Variants in METTL15 observed in about 807,000 individuals in gnomAD.
The protein encoded by METTL15 is 12S rRNA N(4)-cytidine methyltransferase METTL15.
Under a neutral mutation model 38.3 loss-of-function variants are expected in METTL15, and 34 were observed. The observed-to-expected ratio is 0.89, with a 90% CI of 0.68 to 1.18. The LOEUF (loss-of-function observed/expected upper bound fraction) is 1.18, where lower values mean the gene tolerates loss of function less well. Ranked by LOEUF, METTL15 falls within the 50% of genes most tolerant of loss-of-function variation. METTL15 has a pLI of 0.00. For missense variants in METTL15, 438 were observed against 498.4 expected (o/e 0.88, Z 1.15); for synonymous variants, 162 against 170.9 (o/e 0.95, Z 0.41).
intron 4 of METTL15, among the ~76,000 whole-genome samples, chr11:28,255,441 T>C (rs1374998185): frequency 6.6e-6 from 1 of 152,194 alleles, no homozygotes; most frequent in African/African-American, 2.4e-5. Flanking sequence ...TCTTTGTTTC[T>C]TTCTTTTGTC....
At chr11:28,508,029 G>A (rs780664466) in intron 6 of METTL15, among the ~76,000 whole-genome samples, 2 of 152,130 alleles carry the variant, frequency 1.3e-5, no homozygotes, top group Non-Finnish European at 2.9e-5. Flanking sequence ...AAAGTGACAC[G>A]TACTCTTGTG....
At chr11:28,383,086 C>A (rs1242352508) in intron 5 of METTL15, among the ~76,000 whole-genome samples, 1 of 151,780 alleles carries the variant, frequency 6.6e-6, no homozygotes, top group Non-Finnish European at 1.5e-5. Context: ...GCATAGTACT[C>A]GAAAGGTAGA....
Position 28,178,869 on chromosome 11 carries a change from A to C in METTL15, c.271-32193A>C, listed in dbSNP as rs557756771. 4.6e-5 allele frequency among the ~76,000 whole-genome samples: 7 copies of C among 151,948 alleles called. No homozygotes were observed. The South Asian group carries it at 1.4e-3, about 31-fold the overall frequency. On this transcript the variant is annotated intron_variant, in intron 3 of 6. Transcript: ENST00000407364. ...GTATGTTTCAGAAATTCTCATTTTTATGAACCAATTTGGTGATTTTTTTGA... is the reference window on the plus strand; with the variant it reads ...GTATGTTTCAGAAATTCTCATTTTTCTGAACCAATTTGGTGATTTTTTTGA...
chr11:28,398,368 T>C (rs1234302814), intron 5 of METTL15, among the ~76,000 whole-genome samples: 1 of 152,120 alleles, frequency 6.6e-6, no homozygotes, highest in African/African-American at 2.4e-5. Context: ...ATGATCACCA[T>C]TCTAGCTGGC....
At chr11:28,259,797 C>T (rs1391497124) in intron 4 of METTL15, among the ~76,000 whole-genome samples, 1 of 152,206 alleles carries the variant, frequency 6.6e-6, no homozygotes, top group African/African-American at 2.4e-5. Flanking sequence ...AAACCAGGTA[C>T]TGTGAGTACT....
At chr11:28,275,116 G>C (rs1855793327) in intron 4 of METTL15, among the ~76,000 whole-genome samples, 1 of 150,832 alleles carries the variant, frequency 6.6e-6, no homozygotes, top group Non-Finnish European at 1.5e-5. Context: ...TATATAAAAA[G>C]ATCAAAGGGA....
chr11:28,123,091 T>C (rs1218503282), intron 3 of METTL15, among the ~76,000 whole-genome samples: 1 of 152,208 alleles, frequency 6.6e-6, no homozygotes, highest in South Asian at 2.1e-4. Context: ...GAAATAGACA[T>C]GACCCAGGCA....
At chr11:28,140,587 T>C (rs1374774266) in intron 3 of METTL15, among the ~76,000 whole-genome samples, 1 of 152,182 alleles carries the variant, frequency 6.6e-6, no homozygotes, top group African/African-American at 2.4e-5. Context: ...GGTTTTTTGC[T>C]CCTTAGCTCA....
chr11:28,210,915 A>G (rs1852607111), intron 3 of METTL15, 147 bp from the exon 4 acceptor site: 1 of 847,448 alleles, frequency 1.2e-6, no homozygotes, highest in South Asian at 1.9e-5. Context: ...ACATGTAACA[A>G]ATTCAACTAT....
intron 3 of METTL15, among the ~76,000 whole-genome samples, chr11:28,198,020 G>A (rs553435769): frequency 1.3e-5 from 2 of 152,114 alleles, no homozygotes; most frequent in South Asian, 2.1e-4. Context: ...ACTATAAACA[G>A]TCTATATATT....
chr11:28,341,596 C>A (rs544087218), intron 3 of METTL15, among the ~76,000 whole-genome samples: 1 of 152,166 alleles, frequency 6.6e-6, no homozygotes, highest in Non-Finnish European at 1.5e-5. Flanking sequence ...GATGTTAACA[C>A]CTATTTTATA....
At chr11:28,405,690 A>G (rs1387746407) in intron 5 of METTL15, among the ~76,000 whole-genome samples, 2 of 152,196 alleles carry the variant, frequency 1.3e-5, no homozygotes, top group Non-Finnish European at 2.9e-5. Flanking sequence ...TTGAAATGTT[A>G]ACATCTATGA....
At chr11:28,441,980 G>A (rs183808318) in intron 6 of METTL15, among the ~76,000 whole-genome samples, 2 of 152,346 alleles carry the variant, frequency 1.3e-5, no homozygotes, top group Admixed American at 1.3e-4. Context: ...GAAGTAGATT[G>A]TGCAGGTTGA....
At chr11:28,307,398 AAATG>A (rs1474195209) in intron 6 of METTL15, among the ~76,000 whole-genome samples, 1 of 152,004 alleles carries the variant, frequency 6.6e-6, no homozygotes, top group Non-Finnish European at 1.5e-5. Context: ...TTTAATGAAT[AAATG>A]AATGGCCATT....
At chr11:28,228,357 C>T (rs948364747) in intron 4 of METTL15, among the ~76,000 whole-genome samples, 21 of 151,844 alleles carry the variant, frequency 1.4e-4, no homozygotes, top group African/African-American at 4.6e-4. Context: ...GGTTACTTAA[C>T]CACTCTGCTA....
chr11:28,393,197 C>T (rs1279951725), intron 5 of METTL15, among the ~76,000 whole-genome samples: 1 of 151,980 alleles, frequency 6.6e-6, no homozygotes, highest in Non-Finnish European at 1.5e-5. Flanking sequence ...GAATTGAAAA[C>T]AGTATTTTAA....
intron 6 of METTL15, among the ~76,000 whole-genome samples, chr11:28,492,481 A>C (rs1194488823): frequency 6.6e-6 from 1 of 151,698 alleles, no homozygotes; most frequent in Non-Finnish European, 1.5e-5. Flanking sequence ...CTGTGTGGAA[A>C]TGTCAGAAAT....
chr11:28,398,976 G>A (rs192815678), intron 5 of METTL15: 3 of 151,606 alleles, frequency 2.0e-5, no homozygotes, highest in African/African-American at 7.3e-5. Context: ...ACCAAAAAAG[G>A]GCCCATATAG....
Position 28,232,460 on chromosome 11 carries a change from G to A in METTL15, c.407+21262G>A, listed in dbSNP as rs561231024. Reference sequence around the variant, plus strand: ...TCTAAAAAATTCATGTTTGGCATGCGAACTCCTATGCATAAAAATTTTTTC... The same window carrying A: ...TCTAAAAAATTCATGTTTGGCATGCAAACTCCTATGCATAAAAATTTTTTC... On this transcript the variant is annotated intron_variant, in intron 4 of 6. Coordinates refer to ENST00000407364, the MANE Select transcript of METTL15 (RefSeq NM_001113528.2). Among the ~76,000 whole-genome samples, 178 of 151,482 alleles carry A rather than the reference G, an allele frequency of 1.2e-3. 2 individuals are homozygous for A. Among genetic ancestry groups the A allele is most frequent in the Non-Finnish European group, 2.1e-3 (143 of 67,718 alleles).
Sources: allele counts gnomAD v4.1 joint callset (sites outside exome capture counted in the v4.1 genomes callset), GRCh38; gene constraint gnomAD v4.1.1; transcripts MANE v1.5; gene names NCBI Gene and HGNC (gene_info 2026-07-23, HGNC 2026-07-21).